The following FCHSD2 variants were observed in gnomAD, a reference collection of about 807,000 sequenced individuals.
FCHSD2 encodes the protein F-BAR and double SH3 domains protein 2.
In FCHSD2, 38 loss-of-function variants were observed where a neutral mutation model predicts 108.1. That is an observed-to-expected ratio of 0.35 (90% CI 0.27 to 0.46). FCHSD2 has a LOEUF of 0.46. Ranked by LOEUF, FCHSD2 falls within the 20% of genes least tolerant of loss-of-function variation. The pLI is 1.00. For synonymous variants in FCHSD2, 279 were observed against 314.7 expected, an observed-to-expected ratio of 0.89 and a Z score of 1.20; for missense variants, 751 against 897.8, an observed-to-expected ratio of 0.84 and a Z score of 2.09.
At chr11:73,126,531 A>G (rs1287461436) in intron 2 of FCHSD2, among the ~76,000 whole-genome samples, 1 of 152,054 alleles carries the variant, frequency 6.6e-6, no homozygotes, top group Non-Finnish European at 1.5e-5. Flanking sequence ...AAGTCTATTA[A>G]TAATGAAAAT....
At chr11:73,022,562 T>C (rs966918717) in intron 3 of FCHSD2, among the ~76,000 whole-genome samples, 1 of 152,146 alleles carries the variant, frequency 6.6e-6, no homozygotes, top group African/African-American at 2.4e-5. Context: ...GAAAAGTCCA[T>C]AATACTAATG....
intron 5 of FCHSD2, among the ~76,000 whole-genome samples, chr11:72,995,643 A>G (rs1857505909): frequency 6.6e-6 from 1 of 151,740 alleles, no homozygotes; most frequent in African/African-American, 2.4e-5. Flanking sequence ...GGTTGAGGCC[A>G]CAGTGAGCCG....
At chr11:73,013,352 C>T (rs1053670339) in intron 4 of FCHSD2, among the ~76,000 whole-genome samples, 3 of 152,236 alleles carry the variant, frequency 2.0e-5, no homozygotes, top group Non-Finnish European at 4.4e-5. Flanking sequence ...CCTGGCTCTA[C>T]AAGCCCAGGT....
chr11:72,889,978 T>C (rs757344895), intron 10 of FCHSD2, 33 bp from the exon 11 acceptor site: 2 of 1,350,518 alleles, frequency 1.5e-6, no homozygotes, highest in Non-Finnish European at 2.1e-6. Flanking sequence ...GATAAAAATA[T>C]TGCTATCCTT....
intron 2 of FCHSD2, among the ~76,000 whole-genome samples, chr11:73,126,453 T>G (rs1860862451): frequency 7.0e-6 from 1 of 142,194 alleles, no homozygotes; most frequent in African/African-American, 2.6e-5. Context: ...TGGAAACCAA[T>G]CACTTTATGA....
intron 2 of FCHSD2, among the ~76,000 whole-genome samples, chr11:73,128,112 G>A (rs1356254992): frequency 6.6e-6 from 1 of 151,836 alleles, no homozygotes; most frequent in African/African-American, 2.4e-5. Flanking sequence ...GTAAGATTGG[G>A]AGGAGAATCC....
intron 9 of FCHSD2, among the ~76,000 whole-genome samples, chr11:72,912,851 G>C (rs1018794045): frequency 5.3e-5 from 8 of 151,986 alleles, no homozygotes; most frequent in Non-Finnish European, 8.8e-5. Flanking sequence ...GCTCAATCTT[G>C]GTAGGTGTAT....
At chr11:72,982,898 C>T (rs1857239886) in intron 8 of FCHSD2, among the ~76,000 whole-genome samples, 1 of 152,150 alleles carries the variant, frequency 6.6e-6, no homozygotes, top group South Asian at 2.1e-4. Context: ...CAATGGCTCA[C>T]ACCTGTAATC....
At chr11:72,984,262 CT>C (rs1436146298) in intron 7 of FCHSD2, 46 bp from the exon 8 acceptor site, 1 of 1,583,746 alleles carries the variant, frequency 6.3e-7, no homozygotes, top group Admixed American at 1.7e-5. Flanking sequence ...TGATATTGTA[CT>C]GCAAAACACA....
At chr11:72,842,125 G>C (rs1307331219) in intron 17 of FCHSD2, among the ~76,000 whole-genome samples, 1 of 152,170 alleles carries the variant, frequency 6.6e-6, no homozygotes, top group Non-Finnish European at 1.5e-5. Context: ...TCCTTTAAAG[G>C]CTGTTTCCCT....
rs1341367344 is a variant in FCHSD2 at position 73,001,130 on chromosome 11, T to C, written c.247A>G (p.Met83Val). The C allele has an allele frequency of 1.2e-6, 2 of 1,612,820 alleles. No homozygotes were observed. Among genetic ancestry groups the C allele is most frequent in the African/African-American group, 1.3e-5 (1 of 75,024 alleles). Residue 83 changes from methionine to valine, a missense_variant, in exon 5 of 20, where the codon ATG (methionine) becomes GTG (valine). By Grantham distance (21) the Met-to-Val change is conservative. Transcript: ENST00000409418. ...KADDRNDYRS[M>V]YPVWKSFLEG... is the part of the protein sequence containing the mutation. ...AGAAAAGATTTCCAAACGGGATACA[T>C]GCTCCTAAATTCAAAGAGGGATAGA...
At chr11:73,080,516 G>C (rs1267307078) in intron 3 of FCHSD2, among the ~76,000 whole-genome samples, 1 of 151,992 alleles carries the variant, frequency 6.6e-6, no homozygotes, top group African/African-American at 2.4e-5. Context: ...AGTAACAAAG[G>C]TACTAAAGTA....
intron 8 of FCHSD2, among the ~76,000 whole-genome samples, chr11:72,968,429 C>T (rs994105948): frequency 6.6e-6 from 1 of 152,110 alleles, no homozygotes; most frequent in African/African-American, 2.4e-5. Context: ...GCTATCTTAC[C>T]TGTAGTTATG....
intron 12 of FCHSD2, among the ~76,000 whole-genome samples, chr11:72,875,394 G>A (rs370068827): frequency 1.6e-4 from 24 of 152,184 alleles, no homozygotes; most frequent in East Asian, 1.3e-3. Context: ...ACAGAGTCTC[G>A]CTCTGCTGCC....
At position 72,985,046 on chromosome 11, in the gene FCHSD2, C is replaced by T; in HGVS notation, c.576+16G>A. ...AGAGGTTTCTCAGTTGTGAAATACACTTATTGAAAACTTACCTTTACACTT... is the reference window on the plus strand; with the variant it reads ...AGAGGTTTCTCAGTTGTGAAATACATTTATTGAAAACTTACCTTTACACTT... On this transcript the variant is annotated intron_variant, in intron 7 of 19. Transcript: ENST00000409418. 1 of 1,122,876 alleles carries T rather than the reference C, an allele frequency of 8.9e-7. No individual in the cohort carries two copies. The highest frequency in any genetic ancestry group is 1.3e-6 in the Non-Finnish European group (1 of 760,120). The allele number at this position is 1,122,876 out of a possible 1,614,324, so 69.6% of individuals were successfully genotyped here.
At chr11:73,108,162 A>G (rs1247774810) in intron 2 of FCHSD2, among the ~76,000 whole-genome samples, 1 of 152,194 alleles carries the variant, frequency 6.6e-6, no homozygotes, top group Non-Finnish European at 1.5e-5. Flanking sequence ...CTGATGATCA[A>G]TGATGTTGCA....
intron 10 of FCHSD2, among the ~76,000 whole-genome samples, chr11:72,890,456 C>T (rs1431368675): frequency 1.3e-5 from 2 of 152,150 alleles, no homozygotes; most frequent in African/African-American, 2.4e-5. Flanking sequence ...TAGAGGTCCA[C>T]CATCAACTTG....
chr11:73,108,978 T>TA lies in FCHSD2; in HGVS notation c.120-25239dup, dbSNP rs376027855. Among the ~76,000 whole-genome samples, 467 of 152,356 alleles carry TA rather than the reference T, an allele frequency of 3.1e-3. 1 individual carries two copies. The highest frequency in any genetic ancestry group is 0.011 in the African/African-American group (447 of 41,584). On this transcript the variant is annotated intron_variant, in intron 2 of 19. Transcript: ENST00000409418. Reference sequence around the variant, plus strand: ...GATATTCAGTTTTTCCAGCACCATTTATTGAAGAGACTGTCCTTTCCTCAA... The same window carrying TA: ...GATATTCAGTTTTTCCAGCACCATTTAATTGAAGAGACTGTCCTTTCCTCAA...
intron 10 of FCHSD2, among the ~76,000 whole-genome samples, chr11:72,891,914 A>G (rs1354736461): frequency 1.3e-5 from 2 of 152,262 alleles, no homozygotes; most frequent in African/African-American, 4.8e-5. Context: ...TTAATGTTAA[A>G]GACCCAATTG....
Sources: allele counts gnomAD v4.1 joint callset (sites outside exome capture counted in the v4.1 genomes callset), GRCh38; gene constraint gnomAD v4.1.1; transcripts MANE v1.5; gene names NCBI Gene and HGNC (gene_info 2026-07-23, HGNC 2026-07-21).